The following TBC1D32 variants were observed in gnomAD, a reference collection of about 807,000 sequenced individuals.
TBC1D32 encodes protein broad-minded.
In TBC1D32, 151 loss-of-function variants were observed where a neutral mutation model predicts 170.3. The ratio of observed to expected loss-of-function variants is 0.89; its 90% confidence interval spans 0.78 to 1.01. The LOEUF is 1.01. Among genes scored for constraint, TBC1D32 ranks in the 50% least tolerant of loss-of-function variants. The probability of loss-of-function intolerance (pLI) is 0.00; values close to 1 mark genes in which losing one functional copy is unlikely to be tolerated. For synonymous variants in TBC1D32, 498 were observed against 488.0 expected (o/e 1.02, Z -0.27); for missense variants, 1,464 against 1,457.1 (o/e 1.00, Z -0.08).
intron 21 of TBC1D32, among the ~76,000 whole-genome samples, chr6:121,218,281 G>T (rs1794078235): frequency 6.6e-6 from 1 of 152,188 alleles, no homozygotes; most frequent in Admixed American, 6.5e-5. Context: ...TTACACTAAG[G>T]AGTGGACAAA....
intron 29 of TBC1D32, 68 bp from the exon 30 acceptor site, chr6:121,106,231 T>A: frequency 2.1e-6 from 2 of 963,400 alleles, no homozygotes; most frequent in Non-Finnish European, 2.7e-6. Flanking sequence ...TCATTTAAAA[T>A]AATCCAACAT....
intron 15 of TBC1D32, among the ~76,000 whole-genome samples, chr6:121,271,644 G>A (rs866451513): frequency 6.6e-6 from 1 of 152,078 alleles, no homozygotes; most frequent in Non-Finnish European, 1.5e-5. Context: ...ACATTCCATG[G>A]TCATGGATAG....
At position 121,093,241 on chromosome 6, in the gene TBC1D32, T is replaced by C. The variant is rs548587353; in HGVS notation, c.3466-2200A>G. ...TGCAGAGTACGTTACTAAATCTCCA[T>C]TGCCCAGACCCCAATAAATCCCTGT... On this transcript the variant is annotated intron_variant, in intron 30 of 31. Transcript: ENST00000398212. Among the ~76,000 whole-genome samples the C allele has an allele frequency of 1.7e-4, 26 of 152,226 alleles. No homozygotes were observed. In the South Asian group the frequency reaches 5.0e-3, roughly 29 times the overall value.
intron 21 of TBC1D32, among the ~76,000 whole-genome samples, chr6:121,222,864 G>A (rs1032956096): frequency 8.5e-5 from 13 of 152,130 alleles, no homozygotes; most frequent in Non-Finnish European, 1.5e-4. Context: ...AGCAGAAAAC[G>A]CAGTGGACTC....
intron 12 of TBC1D32, among the ~76,000 whole-genome samples, chr6:121,285,956 A>C (rs1171621957): frequency 6.6e-6 from 1 of 152,194 alleles, no homozygotes; most frequent in Non-Finnish European, 1.5e-5. Flanking sequence ...ACTAACAAAC[A>C]GAAAGAACAT....
intron 20 of TBC1D32, among the ~76,000 whole-genome samples, chr6:121,234,501 A>G (rs1394869878): frequency 6.6e-6 from 1 of 151,888 alleles, no homozygotes; most frequent in Non-Finnish European, 1.5e-5. Flanking sequence ...GTTCGATTCT[A>G]TTACTGAGAC....
intron 22 of TBC1D32, among the ~76,000 whole-genome samples, chr6:121,175,812 A>T (rs1339910135): frequency 6.6e-6 from 1 of 152,252 alleles, no homozygotes; most frequent in Non-Finnish European, 1.5e-5. Context: ...ATTATTTTTT[A>T]ACATCGTTCT....
chr6:121,294,014 A>G (rs1200984621), intron 11 of TBC1D32, among the ~76,000 whole-genome samples: 1 of 152,066 alleles, frequency 6.6e-6, no homozygotes, highest in Non-Finnish European at 1.5e-5. Context: ...ATAATGTTGT[A>G]TAGGCATTGG....
At chr6:121,141,507 T>C (rs1459656580) in intron 24 of TBC1D32, among the ~76,000 whole-genome samples, 1 of 152,114 alleles carries the variant, frequency 6.6e-6, no homozygotes, top group African/African-American at 2.4e-5. Flanking sequence ...GAACAGTCAC[T>C]CTCAAAGGAA....
In TBC1D32 at chr6:121,322,915, A is replaced by C. The variant is rs1322488785; in HGVS notation, c.156-1121T>G. Among the ~76,000 whole-genome samples, 4 of 152,112 alleles carry C rather than the reference A, an allele frequency of 2.6e-5. No individual in the cohort carries two copies. In the East Asian group the frequency reaches 7.7e-4, roughly 29 times the overall value. On this transcript the variant is annotated intron_variant, in intron 1 of 31. Transcript: ENST00000398212. ...AATGTCTATTAGCAAATTTCTGATG[A>C]CATTATGCTATAATTATACCCCCCA...
chr6:121,213,515 AAAATAAAAT>A (rs1473269687), intron 21 of TBC1D32, among the ~76,000 whole-genome samples: 1,997 of 25,732 alleles, frequency 0.078, 79 homozygotes, highest in African/African-American at 0.16. Context: ...AAAATAAAAT[AAAATAAAAT>A]AAATAAAATA....
chr6:121,334,671 C>A, upstream of TBC1D32: 3 of 561,060 alleles, frequency 5.3e-6, no homozygotes, highest in South Asian at 2.1e-5. Context: ...TAGTTGCTAG[C>A]CTTCAGTACC....
At position 121,123,983 on chromosome 6, in the gene TBC1D32, T is replaced by G. The variant is rs547177986; in HGVS notation, c.2983+2395A>C. ...AACAAACAAAAAAAACTATACACAT[T>G]AATTCCTTTCTACCACCATTTTGAA... On this transcript the variant is annotated intron_variant, in intron 26 of 31. Transcript: ENST00000398212. Among the ~76,000 whole-genome samples the G allele has an allele frequency of 1.1e-4, 17 of 152,172 alleles. 2 individuals are homozygous for G. In the South Asian group the frequency reaches 3.3e-3, roughly 30 times the overall value.
At chr6:121,161,371 G>A (rs1427336107) in intron 22 of TBC1D32, among the ~76,000 whole-genome samples, 1 of 151,998 alleles carries the variant, frequency 6.6e-6, no homozygotes, top group Non-Finnish European at 1.5e-5. Flanking sequence ...CCCTCTAACA[G>A]GCCCCAGTGT....
At chr6:121,195,271 A>G (rs751439315) in intron 22 of TBC1D32, among the ~76,000 whole-genome samples, 1 of 152,192 alleles carries the variant, frequency 6.6e-6, no homozygotes, top group African/African-American at 2.4e-5. Context: ...GAGGCTTAAG[A>G]TATCTGTTAC....
intron 26 of TBC1D32, among the ~76,000 whole-genome samples, chr6:121,122,750 G>C (rs1292297016): frequency 6.6e-6 from 1 of 151,998 alleles, no homozygotes; most frequent in African/African-American, 2.4e-5. Flanking sequence ...TCCATGAGCA[G>C]AAGACTTTTT....
At chr6:121,254,885 A>G (rs1430676169) in intron 17 of TBC1D32, among the ~76,000 whole-genome samples, 1 of 152,156 alleles carries the variant, frequency 6.6e-6, no homozygotes, top group Non-Finnish European at 1.5e-5. Context: ...AAAATTTGAT[A>G]TAAATATTGA....
At chr6:121,183,033 A>T (rs1466358906) in intron 22 of TBC1D32, among the ~76,000 whole-genome samples, 2 of 29,030 alleles carry the variant, frequency 6.9e-5, no homozygotes, top group Non-Finnish European at 1.1e-4. Context: ...AGAAAGAGAC[A>T]GACTGTGTGT....
chr6:121,139,092 C>T (rs572082756), intron 24 of TBC1D32, among the ~76,000 whole-genome samples: 17 of 152,098 alleles, frequency 1.1e-4, no homozygotes, highest in Non-Finnish European at 2.5e-4. Context: ...GTGGTCCGCC[C>T]GCCTCGGCCT....
Sources: gnomAD v4.1 joint callset for allele counts (sites outside exome capture counted in the v4.1 genomes callset) on GRCh38, gnomAD v4.1.1 for gene constraint, MANE v1.5 for transcripts, NCBI Gene and HGNC (gene_info 2026-07-23, HGNC 2026-07-21) for gene names.